Variants in PCDH7 observed in about 807,000 individuals in gnomAD.
The protein encoded by PCDH7 is protocadherin-7.
PCDH7 carries 17 observed loss-of-function variants against 58.9 expected under a neutral mutation model. The observed-to-expected ratio is 0.29, with a 90% CI of 0.20 to 0.43. The LOEUF is 0.43. Ranked by LOEUF, PCDH7 falls within the 20% of genes least tolerant of loss-of-function variation. The probability of loss-of-function intolerance (pLI) is 1.00; values close to 1 mark genes in which losing one functional copy is unlikely to be tolerated. For synonymous variants in PCDH7, 664 were observed against 616.4 expected, an observed-to-expected ratio of 1.08 and a Z score of -1.14; for missense variants, 1,274 against 1,441.0, an observed-to-expected ratio of 0.88 and a Z score of 1.88.
chr4:30,960,609 A>T (rs756446036), intron 3 of PCDH7, among the ~76,000 whole-genome samples: 1 of 152,246 alleles, frequency 6.6e-6, no homozygotes, highest in South Asian at 2.1e-4. Context: ...TAAACATCAG[A>T]TTAAAAATTA....
chr4:31,093,225 T>C (rs985729554), intron 3 of PCDH7, among the ~76,000 whole-genome samples: 4 of 152,146 alleles, frequency 2.6e-5, no homozygotes, highest in Non-Finnish European at 5.9e-5. Context: ...ATAAGAGCTG[T>C]ATGACAACTA....
chr4:30,813,121 G>T (rs1335974403), intron 1 of PCDH7, among the ~76,000 whole-genome samples: 1 of 152,102 alleles, frequency 6.6e-6, no homozygotes, highest in East Asian at 1.9e-4. Context: ...GCGTCATATT[G>T]GGAATCTTCA....
intron 3 of PCDH7, among the ~76,000 whole-genome samples, chr4:31,057,920 A>G (rs1430877496): frequency 6.6e-6 from 1 of 152,234 alleles, no homozygotes; most frequent in Non-Finnish European, 1.5e-5. Flanking sequence ...CTTTAGAATC[A>G]TAGAAAGCAT....
At chr4:31,123,299 A>G (rs890139103) in intron 3 of PCDH7, among the ~76,000 whole-genome samples, 9 of 152,078 alleles carry the variant, frequency 5.9e-5, no homozygotes, top group African/African-American at 2.2e-4. Flanking sequence ...AATATTCGAT[A>G]CTTAAGAATC....
intron 1 of PCDH7, among the ~76,000 whole-genome samples, chr4:30,887,200 T>A (rs1737943085): frequency 6.6e-6 from 1 of 152,138 alleles, no homozygotes; most frequent in Admixed American, 6.5e-5. Context: ...TATGCTAAGG[T>A]AGCTATGACT....
At chr4:30,815,772 A>G (rs1727593018) in intron 1 of PCDH7, among the ~76,000 whole-genome samples, 3 of 152,196 alleles carry the variant, frequency 2.0e-5, no homozygotes, top group South Asian at 4.1e-4. Flanking sequence ...ACTAGCTTCA[A>G]GTTTTTCTAT....
intron 1 of PCDH7, among the ~76,000 whole-genome samples, chr4:30,785,255 T>A (rs2109293255): frequency 6.6e-6 from 1 of 152,142 alleles, no homozygotes; most frequent in Middle Eastern, 3.4e-3. Context: ...GGTTAGTAAA[T>A]AACGCACGAT....
At chr4:31,005,219 G>A (rs1291228195) in intron 3 of PCDH7, among the ~76,000 whole-genome samples, 1 of 152,200 alleles carries the variant, frequency 6.6e-6, no homozygotes, top group Non-Finnish European at 1.5e-5. Context: ...GAGGAACTGA[G>A]TGTTGCTTGG....
intron 3 of PCDH7, among the ~76,000 whole-genome samples, chr4:31,051,837 G>T (rs201759503): frequency 6.7e-6 from 1 of 149,586 alleles, no homozygotes; most frequent in African/African-American, 2.5e-5. Flanking sequence ...TGTGTGTGGG[G>T]GGCGGGTAGG....
chr4:30,832,332 T>G (rs1051368873), intron 1 of PCDH7, among the ~76,000 whole-genome samples: 1 of 152,194 alleles, frequency 6.6e-6, no homozygotes, highest in Non-Finnish European at 1.5e-5. Context: ...TCTTTTTCTT[T>G]CTTGCTTACT....
At chr4:30,864,520 T>A (rs544651759) in intron 1 of PCDH7, among the ~76,000 whole-genome samples, 2 of 151,864 alleles carry the variant, frequency 1.3e-5, no homozygotes, top group African/African-American at 2.4e-5. Context: ...AATAGTGAAG[T>A]TTAATTTTTT....
At chr4:31,064,723 C>T (rs1757945257) in intron 3 of PCDH7, among the ~76,000 whole-genome samples, 1 of 151,908 alleles carries the variant, frequency 6.6e-6, no homozygotes, top group Non-Finnish European at 1.5e-5. Flanking sequence ...GACCCACCAT[C>T]CTCCAGTATG....
At chr4:30,798,768 C>T (rs776260375) in intron 1 of PCDH7, among the ~76,000 whole-genome samples, 3 of 152,148 alleles carry the variant, frequency 2.0e-5, no homozygotes, top group Non-Finnish European at 4.4e-5. Flanking sequence ...CTAACGAATC[C>T]ATGGCCTCTC....
chr4:30,874,299 C>T (rs564588601), intron 1 of PCDH7, among the ~76,000 whole-genome samples: 15 of 151,772 alleles, frequency 9.9e-5, no homozygotes, highest in African/African-American at 3.1e-4. Context: ...CCAACCCAAA[C>T]GTCCAACAAT....
chr4:30,969,793 ATAG>A (rs1388008055), intron 3 of PCDH7, among the ~76,000 whole-genome samples: 1 of 152,220 alleles, frequency 6.6e-6, no homozygotes, highest in Non-Finnish European at 1.5e-5. Flanking sequence ...TTAAATAATG[ATAG>A]TAGTTAAAAT....
In PCDH7 at chr4:31,046,753, T is replaced by G. The variant is rs369997096; in HGVS notation, c.*8-95720T>G. Among the ~76,000 whole-genome samples the G allele has an allele frequency of 8.5e-5, 13 of 152,164 alleles. No individual in the cohort carries two copies. The East Asian group carries it at 2.5e-3, about 29-fold the overall frequency. On this transcript the variant is annotated intron_variant, in intron 3 of 3. Transcript: ENST00000509759. Reference sequence around the variant, plus strand: ...CCAAAGCATAACAAAGTAAACAGTTTAAAATAAATTCTTTTTGTGGAAATG... The same window carrying G: ...CCAAAGCATAACAAAGTAAACAGTTGAAAATAAATTCTTTTTGTGGAAATG...
At chr4:31,095,368 C>A (rs78606179) in intron 3 of PCDH7, among the ~76,000 whole-genome samples, 21,318 of 152,014 alleles carry the variant, frequency 0.14, 1,708 homozygotes, top group South Asian at 0.2. Flanking sequence ...GGGGTACCTG[C>A]AAGCGTTTTT....
intron 3 of PCDH7, among the ~76,000 whole-genome samples, chr4:30,977,715 T>C (rs1297637116): frequency 6.6e-6 from 1 of 152,186 alleles, no homozygotes; most frequent in Non-Finnish European, 1.5e-5. Context: ...CTTCATAGTG[T>C]GAGTCATGGA....
intron 3 of PCDH7, among the ~76,000 whole-genome samples, chr4:30,959,180 G>T (rs1748147788): frequency 6.6e-6 from 1 of 151,662 alleles, no homozygotes; most frequent in Non-Finnish European, 1.5e-5. Context: ...TGATGAGAAT[G>T]ACTGTTTTTG....
Sources: allele counts gnomAD v4.1 joint callset (sites outside exome capture counted in the v4.1 genomes callset), GRCh38; gene constraint gnomAD v4.1.1; transcripts MANE v1.5; gene names NCBI Gene and HGNC (gene_info 2026-07-23, HGNC 2026-07-21).